The following RAD51B variants were observed in gnomAD, a reference collection of about 807,000 sequenced individuals.
RAD51B encodes DNA repair protein RAD51 homolog 2.
A neutral mutation model predicts 42.2 loss-of-function variants in RAD51B; 38 were observed. The ratio of observed to expected loss-of-function variants is 0.90; its 90% CI spans 0.70 to 1.18. The LOEUF (loss-of-function observed/expected upper bound fraction) is 1.18, where lower values mean the gene tolerates loss of function less well. Among genes scored for constraint, RAD51B ranks in the 50% most tolerant of loss-of-function variants. RAD51B has a pLI of 0.00. For synonymous variants in RAD51B, 154 were observed against 145.2 expected (o/e 1.06, Z -0.43); for missense variants, 373 against 400.7 (o/e 0.93, Z 0.59).
intron 7 of RAD51B, among the ~76,000 whole-genome samples, chr14:68,177,768 AG>A (rs2078989195): frequency 6.6e-6 from 1 of 152,132 alleles, no homozygotes; most frequent in Admixed American, 6.5e-5. Context: ...GAGATGTTCA[AG>A]CTTTCTGGCA....
At chr14:67,886,813 G>C in intron 6 of RAD51B, 1 of 373,374 alleles carries the variant, frequency 2.7e-6, no homozygotes, top group Non-Finnish European at 4.7e-6. Flanking sequence ...GAGAATCAAG[G>C]AATTCTGAAA....
At chr14:68,363,643 T>C (rs532295646) in intron 8 of RAD51B, among the ~76,000 whole-genome samples, 1 of 152,304 alleles carries the variant, frequency 6.6e-6, no homozygotes, top group South Asian at 2.1e-4. Context: ...TTAACATAGC[T>C]CTGTGGCTCA....
intron 7 of RAD51B, among the ~76,000 whole-genome samples, chr14:68,233,420 C>T (rs1432589664): frequency 6.6e-6 from 1 of 152,148 alleles, no homozygotes; most frequent in Non-Finnish European, 1.5e-5. Context: ...AAGAAATGTT[C>T]ATTTTTAGAT....
chr14:67,857,175 T>C (rs2042022756), intron 4 of RAD51B, among the ~76,000 whole-genome samples: 2 of 152,122 alleles, frequency 1.3e-5, no homozygotes, highest in African/African-American at 4.8e-5. Flanking sequence ...GAAATGTAAC[T>C]CCAGGCAGCC....
At chr14:68,423,018 T>G (rs1325403115) in intron 9 of RAD51B, among the ~76,000 whole-genome samples, 1 of 152,196 alleles carries the variant, frequency 6.6e-6, no homozygotes, top group Non-Finnish European at 1.5e-5. Context: ...TTAAGAGTTC[T>G]TGCATCTCAG....
chr14:68,161,557 C>T (rs2078639399), intron 7 of RAD51B, among the ~76,000 whole-genome samples: 1 of 152,168 alleles, frequency 6.6e-6, no homozygotes, highest in Non-Finnish European at 1.5e-5. Flanking sequence ...AGATCTGTTT[C>T]CTCTAAAGGA....
At chr14:68,545,615 C>T in intron 10 of RAD51B, 1 of 456,062 alleles carries the variant, frequency 2.2e-6, no homozygotes, top group Non-Finnish European at 4.4e-6. Flanking sequence ...GAAGTTCCAC[C>T]AGAGTAGAGG....
chr14:68,383,005 T>A (rs1433413139), intron 8 of RAD51B, among the ~76,000 whole-genome samples: 1 of 152,192 alleles, frequency 6.6e-6, no homozygotes, highest in Non-Finnish European at 1.5e-5. Flanking sequence ...TTATTTTGAT[T>A]CCTCTTTCTA....
At chr14:68,378,735 G>A (rs1161615326) in intron 8 of RAD51B, among the ~76,000 whole-genome samples, 1 of 151,282 alleles carries the variant, frequency 6.6e-6, no homozygotes, top group Non-Finnish European at 1.5e-5. Context: ...TCTACAGATG[G>A]GGAAACCCTA....
intron 7 of RAD51B, among the ~76,000 whole-genome samples, chr14:68,045,252 A>G (rs1220964904): frequency 6.6e-6 from 1 of 150,720 alleles, no homozygotes; most frequent in Non-Finnish European, 1.5e-5. Context: ...AAAAAAAAAA[A>G]AAAAAAAAAA....
At chr14:68,344,552 C>T (rs954876607) in intron 8 of RAD51B, among the ~76,000 whole-genome samples, 1 of 152,014 alleles carries the variant, frequency 6.6e-6, no homozygotes, top group Non-Finnish European at 1.5e-5. Flanking sequence ...GAAGCTGAGG[C>T]AGGAGAATGG....
intron 7 of RAD51B, among the ~76,000 whole-genome samples, chr14:67,986,644 C>T (rs1566557769): frequency 6.6e-6 from 1 of 152,158 alleles, no homozygotes; most frequent in Non-Finnish European, 1.5e-5. Flanking sequence ...CTTCAGTTGT[C>T]AGTAAAAGAT....
At chr14:68,633,400 C>T (rs955288191) in intron 10 of RAD51B, among the ~76,000 whole-genome samples, 13 of 152,166 alleles carry the variant, frequency 8.5e-5, no homozygotes, top group South Asian at 6.2e-4. Flanking sequence ...CAGGAGAATA[C>T]GCCTTCCCCC....
intron 7 of RAD51B, among the ~76,000 whole-genome samples, chr14:68,115,762 C>G (rs1052240299): frequency 1.1e-4 from 16 of 152,110 alleles, no homozygotes; most frequent in Non-Finnish European, 1.9e-4. Context: ...ACATACAAAA[C>G]TTGAGAAAGC....
In RAD51B at chr14:67,855,957, G is replaced by A. The variant is rs189758421; in HGVS notation, c.316-9046G>A. 6.8e-4 allele frequency among the ~76,000 whole-genome samples: 104 copies of A among 152,288 alleles called. 1 individual carries two copies. Among genetic ancestry groups the A allele is most frequent in the Middle Eastern group, 6.8e-3 (2 of 294 alleles). ...TCTAATACAGACATTTAGCATATGCGGTTGATTGGACCATTGTTCCCAATT... is the reference window on the plus strand; with the variant it reads ...TCTAATACAGACATTTAGCATATGCAGTTGATTGGACCATTGTTCCCAATT... On this transcript the variant is annotated intron_variant, in intron 4 of 10. Coordinates refer to ENST00000471583, the MANE Select transcript of RAD51B (RefSeq NM_133510.4).
chr14:68,007,430 A>G (rs563442929), intron 7 of RAD51B, among the ~76,000 whole-genome samples: 1 of 152,198 alleles, frequency 6.6e-6, no homozygotes, highest in East Asian at 1.9e-4. Flanking sequence ...CTATTTGAGG[A>G]ACTGCCGAAC....
intron 10 of RAD51B, among the ~76,000 whole-genome samples, chr14:68,506,860 A>AG (rs1885366348): frequency 6.6e-6 from 1 of 152,138 alleles, no homozygotes; most frequent in Admixed American, 6.5e-5. Context: ...AAGTGTGCAG[A>AG]GGGGGAAGCT....
chr14:68,010,082 A>G (rs2075658448), intron 7 of RAD51B, among the ~76,000 whole-genome samples: 1 of 151,860 alleles, frequency 6.6e-6, no homozygotes, highest in Non-Finnish European at 1.5e-5. Flanking sequence ...ACCTGCACAA[A>G]ACATCTAGCT....
At chr14:68,638,104 G>A (rs1410782008) in intron 10 of RAD51B, among the ~76,000 whole-genome samples, 3 of 152,350 alleles carry the variant, frequency 2.0e-5, no homozygotes, top group African/African-American at 7.2e-5. Context: ...GAGAAGGCCA[G>A]TGAAGGAAGG....
Sources: allele counts gnomAD v4.1 joint callset (sites outside exome capture counted in the v4.1 genomes callset), GRCh38; gene constraint gnomAD v4.1.1; transcripts MANE v1.5; gene names NCBI Gene and HGNC (gene_info 2026-07-23, HGNC 2026-07-21).